RAB37: variants seen among roughly 807,000 people sequenced by gnomAD.
RAB37 encodes the protein ras-related protein Rab-37.
RAB37 carries 29 observed loss-of-function variants against 33.1 expected under a neutral mutation model. The ratio of observed to expected loss-of-function variants is 0.88; its 90% CI spans 0.65 to 1.20. The LOEUF is 1.20. Ranked by LOEUF, RAB37 falls within the 50% of genes most tolerant of loss-of-function variation. The pLI is 0.00. For missense variants in RAB37, 299 were observed against 301.1 expected (o/e 0.99, Z 0.05); for synonymous variants, 128 against 119.5 (o/e 1.07, Z -0.47).
intron 1 of RAB37, among the ~76,000 whole-genome samples, chr17:74,702,041 T>C (rs1043026928): frequency 4.0e-5 from 6 of 150,776 alleles, no homozygotes; most frequent in African/African-American, 1.5e-4. Context: ...AAGAAAACTT[T>C]AAAAAGTTTA....
chr17:74,738,282 C>T lies in RAB37; in HGVS notation c.93+917C>T, dbSNP rs1017567856. On this transcript the variant is annotated intron_variant, in intron 1 of 8. Transcript: ENST00000392613. The surrounding 1 kb of genome is among the most constrained non-coding windows in gnomAD (Gnocchi z 5.0). The stretch of plus-strand genomic sequence containing the variant: ...CGGTTTCCTCCCCGACACCAGGGCT[C>T]ACCCTTGCTGGGAGCCTCAGCCTCC... 6.6e-6 allele frequency among the ~76,000 whole-genome samples: 1 copy of T among 152,306 alleles called. No homozygotes were observed. Among genetic ancestry groups the T allele is most frequent in the East Asian group, 1.9e-4 (1 of 5,184 alleles).
intron 1 of RAB37, chr17:74,695,050 G>T: frequency 6.3e-7 from 1 of 1,586,498 alleles, no homozygotes; most frequent in Middle Eastern, 1.7e-4. Flanking sequence ...GATGAGGCAG[G>T]AGTGTGCTCA....
rs570521560 is a variant in RAB37 at position 74,708,915 on chromosome 17, C to CA, written c.73-20330dup. 2.8e-3 allele frequency among the ~76,000 whole-genome samples: 353 copies of CA among 125,114 alleles called. 1 individual carries two copies. Among genetic ancestry groups the CA allele is most frequent in the East Asian group, 8.0e-3 (34 of 4,270 alleles). The allele number at this position is 125,114 out of a possible 152,430, so 82.1% of individuals were successfully genotyped here. On this transcript the variant is annotated intron_variant, in intron 1 of 7. Coordinates refer to the RAB37 transcript ENST00000340415. ...TGGGCGACAGAGCAAGACTCCGTCT[C>CA]AAAAAAAAAAAGGAAAATCAATAAG...
rs556742578 is a variant in RAB37 at position 74,717,359 on chromosome 17, G to A, written c.73-11897G>A. On this transcript the variant is annotated intron_variant, in intron 1 of 7. Coordinates refer to the RAB37 transcript ENST00000340415. Reference sequence around the variant, plus strand: ...AAGCTTATTTCTGAGAAAAATAGGCGTCTCCAAAGAGTGAGTCTGAAAGTT... The same window carrying A: ...AAGCTTATTTCTGAGAAAAATAGGCATCTCCAAAGAGTGAGTCTGAAAGTT... 1.4e-4 allele frequency among the ~76,000 whole-genome samples: 22 copies of A among 152,264 alleles called. No homozygotes were observed. The South Asian group carries it at 1.4e-3, about 10-fold the overall frequency.
rs773502436 is a variant in RAB37, at chr17:74,744,834, A to G, written c.433-39A>G. 1 of 1,611,704 alleles carries G rather than the reference A, an allele frequency of 6.2e-7. No individual in the cohort carries two copies. Among genetic ancestry groups the G allele is most frequent in the Non-Finnish European group, 8.5e-7 (1 of 1,177,780 alleles). On this transcript the variant is annotated intron_variant, in intron 6 of 8. Transcript: ENST00000392613. This position sits in a 1 kb window ranked among gnomAD's most constrained non-coding sequence, Gnocchi z 4.2. ...GCAAAATATGGGCCCGCTGGGGCGG[A>G]GGCCTCCTTCCCCAGAGTGACCCAT... is the stretch of plus-strand genomic sequence containing the variant.
rs530556816 is a variant in RAB37 at position 74,740,827 on chromosome 17, C to T, written c.153C>T (p.Asp51=). The stretch of plus-strand genomic sequence containing the variant: ...CATGTTTCCTGATCCAATTCAAAGA[C>T]GGGGCCTTCCTGTCCGGAACCTTCA... ...GKTCFLIQFK[D]GAFLSGTFIA... is the part of the protein sequence containing the mutation. The change falls in exon 2 of 9, where the codon GAC becomes GAT. Residue 51 remains aspartate, a synonymous_variant. Transcript: ENST00000392613. 2.2e-5 allele frequency: 35 copies of T among 1,614,124 alleles called. No individual in the cohort carries two copies. Among genetic ancestry groups the T allele is most frequent in the African/African-American group, 1.6e-4 (12 of 75,036 alleles).
At chr17:74,675,906 G>C (rs1284548544) in intron 1 of RAB37, among the ~76,000 whole-genome samples, 1 of 152,178 alleles carries the variant, frequency 6.6e-6, no homozygotes, top group East Asian at 1.9e-4. Context: ...CATCCATCAT[G>C]TGCCTGGAGT....
chr17:74,689,418 G>A (rs1005067141), intron 1 of RAB37, among the ~76,000 whole-genome samples: 3 of 152,030 alleles, frequency 2.0e-5, no homozygotes, highest in Admixed American at 6.6e-5. Context: ...ACTCCAGCCC[G>A]GGTGACAGAG....
intron 1 of RAB37, chr17:74,713,089 G>A (rs563249083): frequency 3.1e-5 from 16 of 521,312 alleles, no homozygotes; most frequent in East Asian, 1.1e-4. Flanking sequence ...GGCGGATCAC[G>A]AGATCAGGAG....
At chr17:74,714,072 G>C (rs1001273753) in intron 1 of RAB37, among the ~76,000 whole-genome samples, 1 of 151,942 alleles carries the variant, frequency 6.6e-6, no homozygotes, top group Non-Finnish European at 1.5e-5. Flanking sequence ...TTAGCTGGGC[G>C]TGGTAGCATT....
At chr17:74,683,980 G>T (rs2032004595) in intron 1 of RAB37, among the ~76,000 whole-genome samples, 1 of 152,242 alleles carries the variant, frequency 6.6e-6, no homozygotes, top group Non-Finnish European at 1.5e-5. Context: ...GGCTGTGACA[G>T]AGGCAGGGGA....
At chr17:74,721,246 C>A (rs540572036) in intron 1 of RAB37, among the ~76,000 whole-genome samples, 1 of 152,202 alleles carries the variant, frequency 6.6e-6, no homozygotes, top group Non-Finnish European at 1.5e-5. Context: ...ACCTCGCCCT[C>A]TTTTACCCAG....
At position 74,689,400 on chromosome 17, in the gene RAB37, G is replaced by A. The variant is rs187163619; in HGVS notation, c.72+17742G>A. Among the ~76,000 whole-genome samples, 239 of 151,978 alleles carry A rather than the reference G, an allele frequency of 1.6e-3. 1 individual carries two copies. Among genetic ancestry groups the A allele is most frequent in the African/African-American group, 3.9e-3 (161 of 41,442 alleles). On this transcript the variant is annotated intron_variant, in intron 1 of 7. Transcript: ENST00000340415. ...AGAGGTTGTGGTGAGCCAAGATTGC[G>A]CCACTGCACTCCAGCCCGGGTGACA...
intron 1 of RAB37, among the ~76,000 whole-genome samples, chr17:74,675,559 A>G (rs2031811946): frequency 6.6e-6 from 1 of 152,208 alleles, no homozygotes; most frequent in Non-Finnish European, 1.5e-5. Context: ...TTCATACAAG[A>G]GAATCTCAGA....
chr17:74,700,797 T>A (rs528252193), intron 1 of RAB37, among the ~76,000 whole-genome samples: 9 of 152,236 alleles, frequency 5.9e-5, no homozygotes, highest in Non-Finnish European at 1.0e-4. Context: ...TGGGCTGGAT[T>A]GTACACCACC....
chr17:74,718,909 A>G (rs955081418), intron 1 of RAB37, among the ~76,000 whole-genome samples: 5 of 152,216 alleles, frequency 3.3e-5, no homozygotes, highest in African/African-American at 9.7e-5. Context: ...CAACTGGACT[A>G]CTACCTTTAT....
upstream of RAB37, among the ~76,000 whole-genome samples, chr17:74,734,256 G>T (rs1158326690): frequency 6.6e-6 from 1 of 152,134 alleles, no homozygotes; most frequent in East Asian, 1.9e-4. Flanking sequence ...CTCCCATCTT[G>T]CCTCTGTCTT....
chr17:74,698,531 C>T (rs1204674877), intron 1 of RAB37: 11 of 1,566,974 alleles, frequency 7.0e-6, no homozygotes, highest in Non-Finnish European at 9.5e-6. Context: ...CCACCTGCCT[C>T]TCAGCCCAAT....
chr17:74,705,171 A>G (rs762828068), intron 1 of RAB37: 1 of 694,744 alleles, frequency 1.4e-6, no homozygotes, highest in Non-Finnish European at 2.6e-6. Flanking sequence ...GTGGGGAGGA[A>G]ATACCAGGAG....
Sources: allele counts gnomAD v4.1 joint callset (sites outside exome capture counted in the v4.1 genomes callset), GRCh38; gene constraint gnomAD v4.1.1; non-coding constraint Gnocchi (gnomAD v3.1); transcripts MANE v1.5; gene names NCBI Gene and HGNC (gene_info 2026-07-23, HGNC 2026-07-21).